STXBP5L: variants seen among roughly 807,000 people sequenced by gnomAD.
STXBP5L encodes syntaxin binding protein 5L.
STXBP5L carries 65 observed loss-of-function variants against 144.5 expected under a neutral mutation model. The ratio of observed to expected loss-of-function variants is 0.45; its 90% CI spans 0.37 to 0.55. STXBP5L has a LOEUF of 0.55. STXBP5L is among the 20% of genes least tolerant of loss of function. The pLI is 0.00. For synonymous variants in STXBP5L, 505 were observed against 469.6 expected (o/e 1.08, Z -0.97); for missense variants, 1,298 against 1,405.5 (o/e 0.92, Z 1.22).
chr3:121,243,147 G>T (rs1410347997), intron 14 of STXBP5L, among the ~76,000 whole-genome samples: 1 of 152,174 alleles, frequency 6.6e-6, no homozygotes, highest in Non-Finnish European at 1.5e-5. Context: ...CTGGATATAT[G>T]TTATAGCGGC....
At chr3:121,302,857 T>C (rs1416692156) in intron 19 of STXBP5L, among the ~76,000 whole-genome samples, 2 of 152,174 alleles carry the variant, frequency 1.3e-5, no homozygotes, top group East Asian at 1.9e-4. Context: ...GATCCCTTCC[T>C]TACACCTTAT....
chr3:120,982,615 G>A (rs1941894102), intron 3 of STXBP5L, among the ~76,000 whole-genome samples: 1 of 152,198 alleles, frequency 6.6e-6, no homozygotes, highest in Non-Finnish European at 1.5e-5. Flanking sequence ...AAGTGGCTTT[G>A]GAGTAGAACC....
At position 121,027,542 on chromosome 3, in the gene STXBP5L, T is replaced by C. The variant is rs72968818; in HGVS notation, c.288-14158T>C. On this transcript the variant is annotated intron_variant, in intron 3 of 26. Coordinates refer to ENST00000471454, the MANE Select transcript of STXBP5L (RefSeq NM_001308330.2). ...TTTCAGCTTCTAAAGGCTGCCTTTG[T>C]TCTTTGGCTCTTGGCCCCTTTCCAT... is the stretch of plus-strand genomic sequence containing the variant. Among the ~76,000 whole-genome samples the C allele has an allele frequency of 2.5e-3, 380 of 152,164 alleles. 2 individuals are homozygous for C. The highest frequency in any genetic ancestry group is 8.6e-3 in the African/African-American group (357 of 41,562).
intron 3 of STXBP5L, among the ~76,000 whole-genome samples, chr3:120,992,801 T>A (rs1943031617): frequency 6.6e-6 from 1 of 152,114 alleles, no homozygotes; most frequent in Non-Finnish European, 1.5e-5. Context: ...TAATTTCCTT[T>A]CCTTTGGATA....
chr3:121,031,418 A>AT (rs1560027748), intron 3 of STXBP5L, among the ~76,000 whole-genome samples: 1 of 151,432 alleles, frequency 6.6e-6, no homozygotes, highest in Admixed American at 6.6e-5. Flanking sequence ...CAATCAATCA[A>AT]CTATCTAGAT....
chr3:121,256,755 G>T (rs936489627), intron 16 of STXBP5L, among the ~76,000 whole-genome samples: 1 of 151,410 alleles, frequency 6.6e-6, no homozygotes, highest in Non-Finnish European at 1.5e-5. Flanking sequence ...TATGAAAAAA[G>T]TTTAATTTCT....
intron 3 of STXBP5L, among the ~76,000 whole-genome samples, chr3:120,960,002 CCTAT>C (rs1938566897): frequency 6.6e-6 from 1 of 152,122 alleles, no homozygotes; most frequent in Admixed American, 6.5e-5. Flanking sequence ...TTGCAATCTA[CCTAT>C]CTGACAAAGG....
intron 5 of STXBP5L, among the ~76,000 whole-genome samples, chr3:121,091,671 A>T (rs575346441): frequency 5.5e-4 from 84 of 152,226 alleles, no homozygotes; most frequent in Middle Eastern, 3.4e-3. Context: ...GATTCTGGAT[A>T]TTAGCCCTTT....
At chr3:120,971,002 C>T (rs987173932) in intron 3 of STXBP5L, among the ~76,000 whole-genome samples, 18 of 152,126 alleles carry the variant, frequency 1.2e-4, no homozygotes, top group Non-Finnish European at 2.4e-4. Flanking sequence ...AAATGTTAGA[C>T]ATTGCCCCAG....
intron 3 of STXBP5L, among the ~76,000 whole-genome samples, chr3:121,032,919 A>C (rs1946477268): frequency 2.5e-5 from 1 of 39,482 alleles, no homozygotes; most frequent in Non-Finnish European, 5.1e-5. Context: ...AAGTCAGGAA[A>C]CAACAGGTGC....
intron 12 of STXBP5L, among the ~76,000 whole-genome samples, chr3:121,234,301 G>A (rs1273835324): frequency 6.6e-6 from 1 of 151,876 alleles, no homozygotes; most frequent in African/African-American, 2.4e-5. Context: ...TCATATATTT[G>A]TAACACAATT....
intron 20 of STXBP5L, among the ~76,000 whole-genome samples, chr3:121,348,887 G>A (rs534368095): frequency 1.3e-5 from 2 of 151,956 alleles, no homozygotes; most frequent in East Asian, 3.9e-4. Context: ...TATCAATTTT[G>A]TTGACCTTTT....
intron 10 of STXBP5L, 132 bp from the exon 11 acceptor site, chr3:121,222,871 A>G: frequency 1.1e-6 from 1 of 876,278 alleles, no homozygotes; most frequent in Non-Finnish European, 1.7e-6. Flanking sequence ...AGAAATTTTG[A>G]GCCGGGCAAG....
chr3:121,398,391 T>A (rs1255120907), intron 22 of STXBP5L, among the ~76,000 whole-genome samples: 2 of 152,138 alleles, frequency 1.3e-5, no homozygotes, highest in Admixed American at 1.3e-4. Flanking sequence ...GGGGGACAGA[T>A]ATTGTACAGG....
At chr3:121,126,173 A>G (rs13058827) in intron 7 of STXBP5L, among the ~76,000 whole-genome samples, 2 of 152,160 alleles carry the variant, frequency 1.3e-5, no homozygotes, top group Admixed American at 6.6e-5. Flanking sequence ...AGTTACTACA[A>G]TTATTCTCGA....
At chr3:121,063,311 G>A (rs1265354937) in intron 5 of STXBP5L, among the ~76,000 whole-genome samples, 1 of 152,186 alleles carries the variant, frequency 6.6e-6, no homozygotes. Flanking sequence ...GTTTGCTTGG[G>A]TATCACCAGT....
At chr3:121,007,391 C>G (rs896092966) in intron 3 of STXBP5L, among the ~76,000 whole-genome samples, 2 of 151,730 alleles carry the variant, frequency 1.3e-5, no homozygotes, top group African/African-American at 4.8e-5. Context: ...AAATTCTGGC[C>G]TCAAATTTAA....
At chr3:121,176,593 TA>T (rs2046946000) in intron 9 of STXBP5L, among the ~76,000 whole-genome samples, 1 of 150,272 alleles carries the variant, frequency 6.7e-6, no homozygotes, top group African/African-American at 2.4e-5. Flanking sequence ...ATCAAAAATT[TA>T]AAAATTATGA....
intron 9 of STXBP5L, among the ~76,000 whole-genome samples, chr3:121,162,713 C>A (rs1249169601): frequency 6.6e-6 from 1 of 151,976 alleles, no homozygotes; most frequent in Non-Finnish European, 1.5e-5. Flanking sequence ...GGAATTTAAA[C>A]ACATTTACAA....
Sources: allele counts gnomAD v4.1 joint callset (sites outside exome capture counted in the v4.1 genomes callset), GRCh38; gene constraint gnomAD v4.1.1; transcripts MANE v1.5; gene names NCBI Gene and HGNC (gene_info 2026-07-23, HGNC 2026-07-21).